Variants in PDE9A observed in about 807,000 individuals in gnomAD.
PDE9A encodes the protein phosphodiesterase 9A, also known as high affinity cGMP-specific 3',5'-cyclic phosphodiesterase 9A.
Under a neutral mutation model 87.4 loss-of-function variants are expected in PDE9A, and 60 were observed. The ratio of observed to expected loss-of-function variants is 0.69; its 90% CI spans 0.56 to 0.85. PDE9A has a LOEUF of 0.85. Ranked by LOEUF, PDE9A falls within the 40% of genes least tolerant of loss-of-function variation. The pLI is 0.00. For synonymous variants in PDE9A, 272 were observed against 279.4 expected (o/e 0.97, Z 0.27); for missense variants, 665 against 779.0 (o/e 0.85, Z 1.74).
intron 4 of PDE9A, among the ~76,000 whole-genome samples, chr21:42,714,013 C>T (rs1602215787): frequency 4.3e-5 from 5 of 117,334 alleles, no homozygotes; most frequent in African/African-American, 6.7e-5. Context: ...TTTTTTCATT[C>T]CAATTTTTTT....
intron 1 of PDE9A, among the ~76,000 whole-genome samples, chr21:42,658,009 A>G (rs998171690): frequency 1.3e-5 from 2 of 152,252 alleles, no homozygotes; most frequent in African/African-American, 4.8e-5. Context: ...AAGCGTCCGC[A>G]GAAGTCGGCT....
chr21:42,730,428 GT>G (rs530984017), intron 4 of PDE9A, among the ~76,000 whole-genome samples: 17 of 151,794 alleles, frequency 1.1e-4, no homozygotes, highest in African/African-American at 4.1e-4. Context: ...AAACTGATTA[GT>G]TTTTTTTAAT....
chr21:42,768,864 A>G (rs2056641119), intron 16 of PDE9A, 163 bp from the exon 17 acceptor site: 1 of 984,966 alleles, frequency 1.0e-6, no homozygotes, highest in Non-Finnish European at 1.2e-6. Flanking sequence ...TCTGTTTAGC[A>G]CTGAAGATAG....
intron 1 of PDE9A, among the ~76,000 whole-genome samples, chr21:42,662,873 CCA>C (rs901424641): frequency 9.0e-5 from 13 of 145,134 alleles, no homozygotes; most frequent in African/African-American, 1.8e-4. Flanking sequence ...CACGTACACA[CCA>C]CACACAGCAC....
At chr21:42,693,970 T>C (rs2060009771) in intron 3 of PDE9A, among the ~76,000 whole-genome samples, 1 of 152,138 alleles carries the variant, frequency 6.6e-6, no homozygotes. Flanking sequence ...GATTTTTTTT[T>C]TTTAAAGCTC....
intron 10 of PDE9A, chr21:42,758,112 T>A (rs986890032): frequency 1.3e-5 from 2 of 152,262 alleles, no homozygotes; most frequent in Non-Finnish European, 2.9e-5. Flanking sequence ...AAACTGCCCC[T>A]TTCCTACACA....
intron 4 of PDE9A, among the ~76,000 whole-genome samples, chr21:42,731,503 G>C (rs925883695): frequency 6.6e-6 from 1 of 152,136 alleles, no homozygotes; most frequent in African/African-American, 2.4e-5. Flanking sequence ...TCAGGAAACA[G>C]GAAGACAAGC....
chr21:42,707,397 C>T (rs1351223958), intron 4 of PDE9A, among the ~76,000 whole-genome samples: 3 of 152,180 alleles, frequency 2.0e-5, no homozygotes, highest in African/African-American at 4.8e-5. Context: ...GCGGCTGCCC[C>T]GAGGTCAGTC....
intron 2 of PDE9A, among the ~76,000 whole-genome samples, 172 bp from the exon 3 acceptor site, chr21:42,687,745 G>C (rs1206307836): frequency 6.6e-6 from 1 of 152,154 alleles, no homozygotes; most frequent in African/African-American, 2.4e-5. Context: ...TTTACAATCG[G>C]AGTCTCAATG....
At chr21:42,754,122 C>G in intron 10 of PDE9A, 58 bp downstream of exon 10, 2 of 1,015,756 alleles carry the variant, frequency 2.0e-6, no homozygotes, top group Non-Finnish European at 3.1e-6. Flanking sequence ...GGATCTTGGA[C>G]GCCAGTGGGA....
chr21:42,743,694 G>T, intron 7 of PDE9A, 82 bp from the exon 8 acceptor site: 1 of 848,488 alleles, frequency 1.2e-6, no homozygotes, highest in Admixed American at 2.1e-5. Context: ...GGGAGCCACA[G>T]GGAGCCCTTA....
chr21:42,751,271 GC>G, intron 9 of PDE9A, 74 bp downstream of exon 9: 2 of 1,043,636 alleles, frequency 1.9e-6, no homozygotes, highest in Non-Finnish European at 3.0e-6. Flanking sequence ...TGGCCCTGCG[GC>G]CAGACCCTGC....
Position 42,769,004 on chromosome 21 carries a change from ACTGT to A in PDE9A, c.1462-19_1462-16del. On this transcript the variant is annotated intron_variant, in intron 16 of 19. Coordinates refer to ENST00000291539, the MANE Select transcript of PDE9A (RefSeq NM_002606.3). ...ATGGGGCATTTCTGTCTCTAATGTC[ACTGT>A]CTGCTGCATTCCCTGCAGAGCGACC... The A allele has an allele frequency of 6.3e-7, 1 of 1,594,096 alleles. No homozygotes were observed. Among genetic ancestry groups the A allele is most frequent in the African/African-American group, 1.3e-5 (1 of 74,560 alleles).
In PDE9A at chr21:42,698,447, C is replaced by T. The variant is rs1410829857; in HGVS notation, c.219-521C>T. ...TCAGCGACAGAAACGTTTTGGCTGT[C>T]GTCTGCACAGCCAGTATTCTCTCCC... On this transcript the variant is annotated intron_variant, in intron 3 of 19. Transcript: ENST00000291539. 3.3e-5 allele frequency among the ~76,000 whole-genome samples: 5 copies of T among 152,150 alleles called. No individual in the cohort carries two copies. The South Asian group carries it at 6.2e-4, about 19-fold the overall frequency.
chr21:42,673,472 C>A (rs1243115294), intron 1 of PDE9A, among the ~76,000 whole-genome samples: 1 of 152,264 alleles, frequency 6.6e-6, no homozygotes, highest in Non-Finnish European at 1.5e-5. Flanking sequence ...GTCTATGAGT[C>A]TAGTGCGGCC....
At chr21:42,725,983 T>C (rs765323268) in intron 4 of PDE9A, among the ~76,000 whole-genome samples, 7 of 152,140 alleles carry the variant, frequency 4.6e-5, no homozygotes, top group Non-Finnish European at 7.3e-5. Flanking sequence ...TCCACGGGGG[T>C]TGGCATTATT....
At position 42,658,724 on chromosome 21, in the gene PDE9A, G is replaced by A. The variant is rs979689904; in HGVS notation, c.69+4841G>A. ...TCCCAGGTGGACGGCGGCTCTCCTC[G>A]CCATCCTCTCCACTTCCAGCCTATC... is the stretch of plus-strand genomic sequence containing the variant. On this transcript the variant is annotated intron_variant, in intron 1 of 19. Coordinates refer to ENST00000291539, the MANE Select transcript of PDE9A (RefSeq NM_002606.3). Among the ~76,000 whole-genome samples, 4 of 152,244 alleles carry A rather than the reference G, an allele frequency of 2.6e-5. No individual in the cohort carries two copies. The East Asian group carries it at 5.8e-4, about 22-fold the overall frequency.
intron 7 of PDE9A, among the ~76,000 whole-genome samples, chr21:42,738,974 A>G (rs2052786523): frequency 6.6e-6 from 1 of 152,230 alleles, no homozygotes; most frequent in Non-Finnish European, 1.5e-5. Flanking sequence ...TATAGGCATG[A>G]GCCACTGCGC....
At chr21:42,708,095 A>G (rs900262229) in intron 4 of PDE9A, among the ~76,000 whole-genome samples, 4 of 152,198 alleles carry the variant, frequency 2.6e-5, no homozygotes, top group Non-Finnish European at 1.5e-5. Flanking sequence ...ATGCTCCTTA[A>G]TAATATTGTC....
Sources: gnomAD v4.1 joint callset for allele counts (sites outside exome capture counted in the v4.1 genomes callset) on GRCh38, gnomAD v4.1.1 for gene constraint, MANE v1.5 for transcripts, NCBI Gene and HGNC (gene_info 2026-07-23, HGNC 2026-07-21) for gene names.